The following HPS4 variants were observed in gnomAD, a reference collection of about 807,000 sequenced individuals.
HPS4 encodes HPS4 biogenesis of lysosomal organelles complex 3 subunit 2.
In HPS4, 44 loss-of-function variants were observed where a neutral mutation model predicts 70.3. The observed-to-expected ratio is 0.63, with a 90% confidence interval of 0.49 to 0.80. HPS4 has a LOEUF of 0.80. HPS4 is among the 30% of genes least tolerant of loss of function. HPS4 has a pLI of 0.00. For missense variants in HPS4, 873 were observed against 884.4 expected (o/e 0.99, Z 0.16); for synonymous variants, 377 against 355.9 (o/e 1.06, Z -0.67).
At chr22:26,450,237 C>G (rs1156946274), downstream of HPS4, among the ~76,000 whole-genome samples, 2 of 152,226 alleles carry the variant, frequency 1.3e-5, no homozygotes, top group Non-Finnish European at 2.9e-5. Flanking sequence ...CACCATTCAG[C>G]TCACTGCACA....
chr22:26,471,344 C>A, intron 6 of HPS4: 1 of 456,080 alleles, frequency 2.2e-6, no homozygotes, highest in South Asian at 1.5e-5. Flanking sequence ...GGGAAATATG[C>A]CTCAGTTCCA....
At position 26,452,483 on chromosome 22, in the gene HPS4, G is replaced by A. The variant is rs546959109; in HGVS notation, c.*750C>T. 113 of 407,900 alleles carry A rather than the reference G, an allele frequency of 2.8e-4. No homozygotes were observed. Among genetic ancestry groups the A allele is most frequent in the African/African-American group, 2.0e-3 (95 of 48,466 alleles). The allele number at this position is 407,900 out of a possible 1,614,324, so 25.3% of individuals were successfully genotyped here. A position where few individuals can be genotyped will look rare whatever the true frequency, so the allele number is the denominator to read the frequency against. On this transcript the variant is annotated 3_prime_UTR_variant, in exon 14 of 14. Transcript: ENST00000398145. ...CTCGCTCGAGAGGAACCAGCTGCAC[G>A]GCCCACTTGTAGTCAAAGGCAGCGC...
At chr22:26,456,892 G>A (rs2086232030) in intron 13 of HPS4, among the ~76,000 whole-genome samples, 1 of 152,082 alleles carries the variant, frequency 6.6e-6, no homozygotes, top group South Asian at 2.1e-4. Context: ...AACAAATTCG[G>A]TTGGTTAAAT....
At chr22:26,447,766 G>T (rs1300825693), downstream of HPS4, among the ~76,000 whole-genome samples, 4 of 152,020 alleles carry the variant, frequency 2.6e-5, no homozygotes, top group Admixed American at 2.6e-4. Context: ...GCAGCATTAG[G>T]AGGCAGGAGG....
intron 11 of HPS4, among the ~76,000 whole-genome samples, chr22:26,461,986 C>G (rs1815666834): frequency 6.6e-6 from 1 of 152,000 alleles, no homozygotes; most frequent in Admixed American, 6.5e-5. Flanking sequence ...ATTAGCCGGG[C>G]CTGGTGGCAC....
intron 6 of HPS4, chr22:26,471,117 G>T (rs2089733089): frequency 1.1e-5 from 5 of 467,414 alleles, no homozygotes; most frequent in South Asian, 8.0e-5. Context: ...CTGGGAGACC[G>T]ACTGTCTACC....
intron 3 of HPS4, 67 bp downstream of exon 3, chr22:26,479,198 C>A (rs1488738574): frequency 6.6e-7 from 1 of 1,514,932 alleles, no homozygotes; most frequent in African/African-American, 1.4e-5. Context: ...AAACCCCATA[C>A]TTTTGAAAAG....
At chr22:26,463,611 T>C (rs1450657450) in intron 11 of HPS4, among the ~76,000 whole-genome samples, 5 of 152,204 alleles carry the variant, frequency 3.3e-5, no homozygotes, top group African/African-American at 1.2e-4. Flanking sequence ...CAGGATTCCA[T>C]CTCAGGCCTT....
chr22:26,452,004 GCACACA>G lies in HPS4; in HGVS notation c.*1223_*1228del, dbSNP rs134978. ...CCACGTTACGCGCGCGCGCGCGCGC[GCACACA>G]CACACACACACACACACACACACAC... On this transcript the variant is annotated 3_prime_UTR_variant, in exon 14 of 14. Coordinates refer to ENST00000398145, the MANE Select transcript of HPS4 (RefSeq NM_022081.6). 2,392 of 106,080 alleles carry G rather than the reference GCACACA, an allele frequency of 0.023. 99 individuals are homozygous for G. Among genetic ancestry groups the G allele is most frequent in the Admixed American group, 0.12 (1,501 of 12,132 alleles). The allele number at this position is 106,080 out of a possible 1,614,324, so 6.6% of individuals were successfully genotyped here. A position where few individuals can be genotyped will look rare whatever the true frequency, so the allele number is the denominator to read the frequency against.
In HPS4 at chr22:26,452,336, G is replaced by T; in HGVS notation, c.*897C>A. On this transcript the variant is annotated 3_prime_UTR_variant, in exon 14 of 14. Coordinates refer to ENST00000398145, the MANE Select transcript of HPS4 (RefSeq NM_022081.6). ...TCTGACTATAACGTAATAGAACTGA[G>T]GTTCTAAGTACCACACAAGCCCAGG... 2.2e-6 allele frequency: 1 copy of T among 456,686 alleles called. No homozygotes were observed. Among genetic ancestry groups the T allele is most frequent in the South Asian group, 1.5e-5 (1 of 64,542 alleles). 28.3% of individuals were successfully genotyped at this position (456,686 alleles called of 1,614,324 possible).
rs555707534 is a variant in HPS4 at position 26,451,994 on chromosome 22, GCGCGCGCGCGCACA to G, written c.*1225_*1238del. 7,144 of 71,618 alleles carry G rather than the reference GCGCGCGCGCGCACA, an allele frequency of 0.1. 220 individuals carry two copies. The highest frequency in any genetic ancestry group is 0.18 in the African/African-American group (3,199 of 18,006). 4.4% of individuals were successfully genotyped at this position (71,618 alleles called of 1,614,324 possible). On this transcript the variant is annotated 3_prime_UTR_variant, in exon 14 of 14. Transcript: ENST00000398145. The stretch of plus-strand genomic sequence containing the variant: ...AGGGATGCGCCCACGTTACGCGCGC[GCGCGCGCGCGCACA>G]CACACACACACACACACACACACAC...
chr22:26,470,927 A>G lies in HPS4; in HGVS notation c.502-114T>C. ...GGACAGGGTGTAGCTCAAAGCCTGG[A>G]AAAGGAGAATGTGTCACACAGTGAA... On this transcript the variant is annotated intron_variant, in intron 6 of 13. Coordinates refer to ENST00000398145, the MANE Select transcript of HPS4 (RefSeq NM_022081.6). 3 of 1,553,034 alleles carry G rather than the reference A, an allele frequency of 1.9e-6. No individual in the cohort carries two copies. The South Asian group carries it at 3.6e-5, about 18-fold the overall frequency.
At chr22:26,479,545 A>C in intron 2 of HPS4, 190 bp from the exon 3 acceptor site, 1 of 1,423,270 alleles carries the variant, frequency 7.0e-7, no homozygotes. Flanking sequence ...CAGGAAATTC[A>C]AACTAAAAAT....
chr22:26,469,630 C>T (rs1300691017), intron 7 of HPS4, among the ~76,000 whole-genome samples: 1 of 147,246 alleles, frequency 6.8e-6, no homozygotes, highest in Non-Finnish European at 1.5e-5. Flanking sequence ...AGCTGAGGAT[C>T]GCTTGAAGCC....
intron 12 of HPS4, among the ~76,000 whole-genome samples, 158 bp downstream of exon 12, chr22:26,458,287 T>G (rs571325848): frequency 1.3e-5 from 2 of 152,290 alleles, no homozygotes; most frequent in Admixed American, 6.5e-5. Context: ...AACGCCACAC[T>G]CAGTGGGACT....
chr22:26,457,743 G>T, intron 13 of HPS4, 116 bp downstream of exon 13: 1 of 766,856 alleles, frequency 1.3e-6, no homozygotes. Context: ...GCCTTAAGGA[G>T]AGTAACTAGA....
At chr22:26,472,566 AC>A in intron 5 of HPS4, 148 bp from the exon 6 acceptor site, 1 of 752,324 alleles carries the variant, frequency 1.3e-6, no homozygotes, top group Non-Finnish European at 2.4e-6. Flanking sequence ...TCACAGATCC[AC>A]GGCGCCTGCC....
rs999563412 is a variant in HPS4 at position 26,452,258 on chromosome 22, G to T, written c.*975C>A. 2.3e-6 allele frequency: 1 copy of T among 429,470 alleles called. No homozygotes were observed. The highest frequency in any genetic ancestry group is 2.0e-5 in the African/African-American group (1 of 49,022). 26.6% of individuals were successfully genotyped at this position (429,470 alleles called of 1,614,324 possible). Reference sequence around the variant, plus strand: ...GTACTTCCAGTAAACATTCAGTTAAGATTTTGACAAATATTTTCATCCTGC... The same window carrying T: ...GTACTTCCAGTAAACATTCAGTTAATATTTTGACAAATATTTTCATCCTGC... On this transcript the variant is annotated 3_prime_UTR_variant, in exon 14 of 14. Coordinates refer to ENST00000398145, the MANE Select transcript of HPS4 (RefSeq NM_022081.6).
At chr22:26,465,171 T>C (rs1327648799) in intron 10 of HPS4, among the ~76,000 whole-genome samples, 1 of 152,192 alleles carries the variant, frequency 6.6e-6, no homozygotes, top group East Asian at 1.9e-4. Context: ...TACTATTTTG[T>C]CTACTTTTCA....
Sources: gnomAD v4.1 joint callset for allele counts (sites outside exome capture counted in the v4.1 genomes callset) on GRCh38, gnomAD v4.1.1 for gene constraint, MANE v1.5 for transcripts, NCBI Gene and HGNC (gene_info 2026-07-23, HGNC 2026-07-21) for gene names.